The following DAW1 variants were observed in gnomAD, a reference collection of about 807,000 sequenced individuals.
The protein encoded by DAW1 is dynein assembly factor with WD repeat domains 1.
Under a neutral mutation model 56.5 loss-of-function variants are expected in DAW1, and 47 were observed. That is an observed-to-expected ratio of 0.83 (90% CI 0.66 to 1.06). The LOEUF is 1.06. Among genes scored for constraint, DAW1 ranks in the 50% least tolerant of loss-of-function variants. The pLI, the probability that DAW1 is intolerant of heterozygous loss-of-function variation, is 0.00. For missense variants in DAW1, 505 were observed against 499.3 expected (o/e 1.01, Z -0.11); for synonymous variants, 190 against 179.0 (o/e 1.06, Z -0.49).
chr2:227,913,240 CAT>C (rs1691872334), intron 10 of DAW1, among the ~76,000 whole-genome samples: 2 of 152,186 alleles, frequency 1.3e-5, no homozygotes, highest in East Asian at 3.9e-4. Flanking sequence ...TGTGTTAAAA[CAT>C]GACTACATAA....
In DAW1 at chr2:227,906,341, G is replaced by A. The variant is rs1489363298; in HGVS notation, c.858+3G>A. 2 of 1,598,874 alleles carry A rather than the reference G, an allele frequency of 1.3e-6. No individual in the cohort carries two copies. Among genetic ancestry groups the A allele is most frequent in the Non-Finnish European group, 1.7e-6 (2 of 1,169,326 alleles). On this transcript the variant is annotated splice_donor_region_variant and intron_variant, in intron 9 of 12. Transcript: ENST00000309931. ...GCTCTATGGACAAAACCTGCAAGGT[G>A]AGCAAAATAAATAAATATCTTTGCT...
chr2:227,909,042 C>T (rs1298417696), intron 10 of DAW1, among the ~76,000 whole-genome samples: 1 of 152,070 alleles, frequency 6.6e-6, no homozygotes, highest in African/African-American at 2.4e-5. Flanking sequence ...TTTTTATCCT[C>T]TTTATAATAA....
At chr2:227,885,638 T>C (rs1691109697) in intron 2 of DAW1, among the ~76,000 whole-genome samples, 1 of 135,618 alleles carries the variant, frequency 7.4e-6, no homozygotes, top group African/African-American at 2.7e-5. Context: ...CTTTTCTTTT[T>C]TTTCTAAGGT....
chr2:227,898,999 T>C (rs1339429632), intron 6 of DAW1, among the ~76,000 whole-genome samples: 1 of 152,210 alleles, frequency 6.6e-6, no homozygotes, highest in African/African-American at 2.4e-5. Context: ...TGTATATCAT[T>C]AGAGCTCAAA....
chr2:227,906,775 A>G (rs554597936), intron 9 of DAW1, among the ~76,000 whole-genome samples: 1 of 152,188 alleles, frequency 6.6e-6, no homozygotes, highest in Non-Finnish European at 1.5e-5. Context: ...CCATTTTCTG[A>G]CATTGTAGTT....
intron 12 of DAW1, 49 bp downstream of exon 12, chr2:227,921,610 T>A: frequency 1.3e-6 from 2 of 1,572,046 alleles, no homozygotes; most frequent in Non-Finnish European, 1.7e-6. Flanking sequence ...GATTGGCTGT[T>A]AGAGTTCCCA....
intron 10 of DAW1, among the ~76,000 whole-genome samples, chr2:227,911,298 A>C: frequency 6.8e-6 from 1 of 147,574 alleles, no homozygotes; most frequent in Admixed American, 6.8e-5. Flanking sequence ...ACATATATAC[A>C]CGTGTATGTA....
intron 9 of DAW1, 95 bp downstream of exon 9, chr2:227,906,433 A>G: frequency 1.2e-6 from 1 of 844,408 alleles, no homozygotes; most frequent in Non-Finnish European, 1.7e-6. Flanking sequence ...TTCAAAGATG[A>G]TATAAAATTA....
rs549883706 is a variant in DAW1 at position 227,871,710 on chromosome 2, G to T, written c.21G>T (p.Leu7=). 465 of 1,613,928 alleles carry T rather than the reference G, an allele frequency of 2.9e-4. 5 individuals carry two copies. The South Asian group carries it at 4.4e-3, about 15-fold the overall frequency. Reference sequence around the variant, plus strand: ...AGAAAATGAAGCTCAAGAGCCTCCTGCTCCGGTATTACCCGCCAGGTACGC... The same window carrying T: ...AGAAAATGAAGCTCAAGAGCCTCCTTCTCCGGTATTACCCGCCAGGTACGC... MKLKSL[L]LRYYPPGIML... The change falls in exon 1 of 13, where the codon CTG becomes CTT. Residue 7 remains leucine, a synonymous_variant. Transcript: ENST00000309931.
chr2:227,884,686 T>C (rs1229582125), intron 1 of DAW1, among the ~76,000 whole-genome samples: 1 of 152,168 alleles, frequency 6.6e-6, no homozygotes, highest in African/African-American at 2.4e-5. Flanking sequence ...ATTATGCTGC[T>C]GGCTGGAAGG....
chr2:227,872,082 C>T (rs1359958457), intron 1 of DAW1: 1 of 276,876 alleles, frequency 3.6e-6, no homozygotes, highest in Non-Finnish European at 6.8e-6. Context: ...AAATAAATTA[C>T]TTAACTATTA....
chr2:227,876,770 G>C (rs1335058879), intron 1 of DAW1, among the ~76,000 whole-genome samples: 1 of 152,098 alleles, frequency 6.6e-6, no homozygotes, highest in East Asian at 1.9e-4. Flanking sequence ...TTTTCATCTT[G>C]GTCACATTTA....
At chr2:227,897,905 A>G (rs1444235049) in intron 5 of DAW1, among the ~76,000 whole-genome samples, 2 of 152,132 alleles carry the variant, frequency 1.3e-5, no homozygotes, top group Non-Finnish European at 2.9e-5. Context: ...TCTAAACTAA[A>G]CCTTTTGCTA....
intron 2 of DAW1, among the ~76,000 whole-genome samples, chr2:227,886,916 A>G (rs145999014): frequency 1.3e-5 from 2 of 152,354 alleles, no homozygotes; most frequent in East Asian, 3.9e-4. Flanking sequence ...AAGAAACAAA[A>G]CAAAAATGTT....
In DAW1 at chr2:227,905,026, A is replaced by T; in HGVS notation, c.746A>T (p.Asp249Val). 2 of 1,612,430 alleles carry T rather than the reference A, an allele frequency of 1.2e-6. No individual in the cohort carries two copies. The highest frequency in any genetic ancestry group is 1.7e-6 in the Non-Finnish European group (2 of 1,179,006). Reference protein sequence around the residue: ...FDHTVVVWDADTGRKVNILIG... With the variant: ...FDHTVVVWDAVTGRKVNILIG... Reference sequence around the variant, plus strand: ...CATACCGTTGTAGTGTGGGACGCTGATACTGGAAGGTAATTCTTAGTTCTT... The same window carrying T: ...CATACCGTTGTAGTGTGGGACGCTGTTACTGGAAGGTAATTCTTAGTTCTT... The change falls in exon 8 of 13, where the codon GAT becomes GTT. Residue 249 changes from aspartate to valine, a missense_variant. By Grantham distance (152) the Asp-to-Val change is radical (BLOSUM62 -3). Transcript: ENST00000309931.
chr2:227,905,079 G>A (rs770388879), intron 8 of DAW1, 44 bp downstream of exon 8: 2 of 1,539,020 alleles, frequency 1.3e-6, no homozygotes, highest in South Asian at 1.2e-5. Flanking sequence ...GGATCAGGGG[G>A]TTCAGAAAAC....
intron 3 of DAW1, among the ~76,000 whole-genome samples, chr2:227,890,313 C>T (rs1017440460): frequency 5.3e-5 from 8 of 151,962 alleles, no homozygotes; most frequent in Admixed American, 5.2e-4. Context: ...GTTAAAGTAA[C>T]GTTAAGAAGT....
chr2:227,871,831 G>A, intron 1 of DAW1, 102 bp downstream of exon 1: 3 of 1,510,156 alleles, frequency 2.0e-6, no homozygotes, highest in Non-Finnish European at 2.7e-6. Flanking sequence ...AGGCGGCGGG[G>A]TCCCCAGGTG....
chr2:227,884,657 C>T (rs1191720687), intron 1 of DAW1, among the ~76,000 whole-genome samples: 1 of 152,168 alleles, frequency 6.6e-6, no homozygotes, highest in African/African-American at 2.4e-5. Context: ...AGTGGCCTTC[C>T]TGGTCACTTC....
Sources: gnomAD v4.1 joint callset for allele counts (sites outside exome capture counted in the v4.1 genomes callset) on GRCh38, gnomAD v4.1.1 for gene constraint, MANE v1.5 for transcripts, NCBI Gene and HGNC (gene_info 2026-07-23, HGNC 2026-07-21) for gene names.